The following SLC2A5 variants were observed in gnomAD, a reference collection of about 807,000 sequenced individuals.
SLC2A5 encodes the protein solute carrier family 2 member 5.
SLC2A5 carries 56 observed loss-of-function variants against 50.3 expected under a neutral mutation model. The observed-to-expected ratio is 1.11, with a 90% CI of 0.90 to 1.39. The LOEUF is 1.39. SLC2A5 is among the 40% of genes most tolerant of loss of function. The pLI, the probability that SLC2A5 is intolerant of heterozygous loss-of-function variation, is 0.00. For missense variants in SLC2A5, 566 were observed against 650.1 expected (o/e 0.87, Z 1.41); for synonymous variants, 269 against 281.9 (o/e 0.95, Z 0.46).
chr1:9,042,132 C>T (rs1043803918), intron 4 of SLC2A5, among the ~76,000 whole-genome samples, 195 bp from the exon 5 acceptor site: 8 of 152,208 alleles, frequency 5.3e-5, no homozygotes, highest in African/African-American at 1.9e-4. Context: ...CAAAGGAGCT[C>T]ATGCACAGGG....
intron 2 of SLC2A5, among the ~76,000 whole-genome samples, chr1:9,075,117 A>C (rs1450398589): frequency 6.6e-6 from 1 of 152,206 alleles, no homozygotes; most frequent in Non-Finnish European, 1.5e-5. Context: ...AGGGGAAAGC[A>C]AAAGAGAAAG....
At chr1:9,047,053 C>T (rs1376574960) in intron 4 of SLC2A5, among the ~76,000 whole-genome samples, 1 of 152,018 alleles carries the variant, frequency 6.6e-6, no homozygotes, top group Non-Finnish European at 1.5e-5. Flanking sequence ...TGTAAGTTTC[C>T]TGAGGCCTCT....
At chr1:9,049,687 C>A (rs1050525773) in intron 3 of SLC2A5, among the ~76,000 whole-genome samples, 6 of 138,282 alleles carry the variant, frequency 4.3e-5, no homozygotes, top group Admixed American at 1.6e-4. Flanking sequence ...GGTGACACAG[C>A]GAGACTCTGT....
intron 1 of SLC2A5, among the ~76,000 whole-genome samples, chr1:9,061,887 C>T (rs922311118): frequency 2.6e-5 from 4 of 152,122 alleles, no homozygotes; most frequent in Non-Finnish European, 5.9e-5. Context: ...TGATGGGATC[C>T]CAGCAAAAAT....
chr1:9,060,555 A>T (rs1396639850), intron 1 of SLC2A5, among the ~76,000 whole-genome samples: 3 of 139,166 alleles, frequency 2.2e-5, no homozygotes, highest in African/African-American at 8.0e-5. Flanking sequence ...CATACCCCAC[A>T]CACACACCAC....
chr1:9,070,496 A>T (rs1642192386), upstream of SLC2A5, among the ~76,000 whole-genome samples: 1 of 152,056 alleles, frequency 6.6e-6, no homozygotes, highest in Non-Finnish European at 1.5e-5. Flanking sequence ...GGGCAGGGAA[A>T]ATGAGTCACA....
chr1:9,050,010 G>A (rs1453266530), intron 3 of SLC2A5, among the ~76,000 whole-genome samples: 5 of 151,982 alleles, frequency 3.3e-5, no homozygotes, highest in East Asian at 1.9e-4. Context: ...AGTGGCTCAC[G>A]CCTGTAATCC....
chr1:9,079,582 C>T (rs1057074187), intron 2 of SLC2A5, among the ~76,000 whole-genome samples: 3 of 152,126 alleles, frequency 2.0e-5, no homozygotes, highest in African/African-American at 7.2e-5. Flanking sequence ...GCCTCCTAGG[C>T]TCAAGTGATT....
intron 3 of SLC2A5, among the ~76,000 whole-genome samples, chr1:9,056,373 C>T (rs142622034): frequency 0.014 from 2,111 of 152,148 alleles, 49 homozygotes; most frequent in African/African-American, 0.047. Context: ...TTAGTAGAGA[C>T]GGAGTTTCAC....
At chr1:9,088,739 C>T (rs1462564825), upstream of SLC2A5, among the ~76,000 whole-genome samples, 2 of 152,086 alleles carry the variant, frequency 1.3e-5, no homozygotes, top group African/African-American at 2.4e-5. Flanking sequence ...GCCGAGATCG[C>T]GCCACTGCAC....
chr1:9,039,514 C>T (rs1432040516), intron 8 of SLC2A5, 38 bp downstream of exon 8: 3 of 1,481,546 alleles, frequency 2.0e-6, no homozygotes, highest in African/African-American at 2.8e-5. Context: ...CCCGAGGGGC[C>T]TTGGGTGGAG....
intron 3 of SLC2A5, among the ~76,000 whole-genome samples, chr1:9,053,387 ATATATATTATATATT>A (rs1351492956): frequency 3.3e-5 from 1 of 30,298 alleles, no homozygotes; most frequent in Non-Finnish European, 8.1e-5. Context: ...ATATATATTT[ATATATATTATATATT>A]TATATATTAT....
At chr1:9,038,108 T>C (rs1036021661) in intron 10 of SLC2A5, 84 bp from the exon 11 acceptor site, 5 of 1,521,796 alleles carry the variant, frequency 3.3e-6, no homozygotes, top group Non-Finnish European at 3.6e-6. Flanking sequence ...ACCAGGTAGC[T>C]GGCCCCAGGA....
intron 2 of SLC2A5, among the ~76,000 whole-genome samples, chr1:9,081,839 T>C (rs1642356582): frequency 6.6e-6 from 1 of 152,074 alleles, no homozygotes; most frequent in African/African-American, 2.4e-5. Context: ...TCCAGCACTT[T>C]GGGGAGCTGA....
At chr1:9,075,429 C>T (rs192575893) in intron 2 of SLC2A5, among the ~76,000 whole-genome samples, 6 of 152,278 alleles carry the variant, frequency 3.9e-5, no homozygotes, top group Admixed American at 1.3e-4. Context: ...CTGCTGATAC[C>T]GCCCGTTGCC....
At chr1:9,038,729 T>C (rs1641209593) in intron 9 of SLC2A5, 99 bp downstream of exon 9, 18 of 1,468,380 alleles carry the variant, frequency 1.2e-5, no homozygotes, top group Non-Finnish European at 1.5e-5. Flanking sequence ...CAGCTCATTG[T>C]GACCCCTTTT....
At chr1:9,065,325 A>C (rs1302900011) in intron 1 of SLC2A5, among the ~76,000 whole-genome samples, 1 of 152,170 alleles carries the variant, frequency 6.6e-6, no homozygotes, top group Non-Finnish European at 1.5e-5. Context: ...ACCTTCTGAC[A>C]GGGTACGATT....
chr1:9,087,201 C>A (rs988842060), intron 1 of SLC2A5, among the ~76,000 whole-genome samples: 2 of 146,684 alleles, frequency 1.4e-5, no homozygotes, highest in Non-Finnish European at 3.0e-5. Flanking sequence ...GTGTTTCTTA[C>A]TTCTTTCTTT....
At chr1:9,077,625 G>A (rs1442219868) in intron 2 of SLC2A5, among the ~76,000 whole-genome samples, 1 of 150,766 alleles carries the variant, frequency 6.6e-6, no homozygotes, top group African/African-American at 2.4e-5. Flanking sequence ...CTTGGTGGCA[G>A]GCACCTGTAA....
Sources: allele counts gnomAD v4.1 joint callset (sites outside exome capture counted in the v4.1 genomes callset), GRCh38; gene constraint gnomAD v4.1.1; transcripts MANE v1.5; gene names NCBI Gene and HGNC (gene_info 2026-07-23, HGNC 2026-07-21).